The following DCC variants were observed in gnomAD, a reference collection of about 807,000 sequenced individuals.
The protein encoded by DCC is netrin receptor DCC.
A neutral mutation model predicts 172.5 loss-of-function variants in DCC; 58 were observed. That is an observed-to-expected ratio of 0.34 (90% CI 0.27 to 0.42). The LOEUF (loss-of-function observed/expected upper bound fraction) is 0.42, where lower values mean the gene tolerates loss of function less well. DCC is among the 10% of genes least tolerant of loss of function. The pLI is 1.00. For missense variants in DCC, 1,740 were observed against 1,791.0 expected, an observed-to-expected ratio of 0.97 and a Z score of 0.51; for synonymous variants, 709 against 644.5, an observed-to-expected ratio of 1.10 and a Z score of -1.52.
chr18:53,427,493 G>C (rs1380600379), intron 21 of DCC, among the ~76,000 whole-genome samples: 3 of 151,946 alleles, frequency 2.0e-5, no homozygotes, highest in Non-Finnish European at 4.4e-5. Flanking sequence ...AACATATTGG[G>C]CTTTAGCTGT....
intron 18 of DCC, among the ~76,000 whole-genome samples, chr18:53,400,167 G>A (rs1909209757): frequency 6.6e-6 from 1 of 152,028 alleles, no homozygotes; most frequent in Non-Finnish European, 1.5e-5. Context: ...AGCAAACAAA[G>A]TACAGATTCT....
chr18:52,574,034 CTG>C (rs2033357855), intron 1 of DCC, among the ~76,000 whole-genome samples: 1 of 152,172 alleles, frequency 6.6e-6, no homozygotes, highest in Non-Finnish European at 1.5e-5. Flanking sequence ...CAACACACAT[CTG>C]TATAATTGCC....
intron 27 of DCC, among the ~76,000 whole-genome samples, chr18:53,508,162 G>C (rs2046206032): frequency 6.6e-6 from 1 of 151,762 alleles, no homozygotes; most frequent in Non-Finnish European, 1.5e-5. Context: ...CAAAGTGCTG[G>C]GATTATAGGC....
At chr18:52,341,193 G>C (rs1188049469) in intron 1 of DCC, among the ~76,000 whole-genome samples, 3 of 152,158 alleles carry the variant, frequency 2.0e-5, no homozygotes, top group Non-Finnish European at 2.9e-5. Flanking sequence ...GGATATCGTT[G>C]AAAGGAACTG....
At chr18:52,735,058 A>G (rs969234590) in intron 1 of DCC, among the ~76,000 whole-genome samples, 2 of 152,166 alleles carry the variant, frequency 1.3e-5, no homozygotes, top group Non-Finnish European at 1.5e-5. Context: ...GAGAAAATAA[A>G]GGTTTTCTAA....
chr18:52,457,785 T>A (rs1366848952), intron 1 of DCC, among the ~76,000 whole-genome samples: 3 of 152,166 alleles, frequency 2.0e-5, no homozygotes, highest in Non-Finnish European at 4.4e-5. Context: ...GAGGTAAATA[T>A]GATCATATGC....
chr18:52,463,175 C>CAA (rs1471722337), intron 1 of DCC, among the ~76,000 whole-genome samples: 1 of 152,132 alleles, frequency 6.6e-6, no homozygotes, highest in Admixed American at 6.5e-5. Flanking sequence ...AACCCAGGAA[C>CAA]AAAAGTAGCA....
Position 53,397,512 on chromosome 18 carries a change from A to G in DCC, c.2827+66A>G, listed in dbSNP as rs1275464960. 3.8e-6 allele frequency: 6 copies of G among 1,562,308 alleles called. No individual in the cohort carries two copies. In the African/African-American group the frequency reaches 6.8e-5, roughly 18 times the overall value. On this transcript the variant is annotated intron_variant, in intron 18 of 28. Transcript: ENST00000442544. ...GTTTCCCAGGTTCTGTGGAAATTAGAACATGTGTTCCCTATGGTGTCTCAA... is the reference window on the plus strand; with the variant it reads ...GTTTCCCAGGTTCTGTGGAAATTAGGACATGTGTTCCCTATGGTGTCTCAA...
chr18:52,986,607 C>T (rs1334347598), intron 5 of DCC, among the ~76,000 whole-genome samples: 1 of 151,868 alleles, frequency 6.6e-6, no homozygotes, highest in Non-Finnish European at 1.5e-5. Flanking sequence ...TCAACCCAGT[C>T]TTTTTTCAGA....
rs540353639 is a variant in DCC at position 52,846,044 on chromosome 18, G to A, written c.413-60000G>A. ...TCTTCCAGTTTTTTGTTTAATAGAAGCAATGGTAAATGGCATAGTTAACAT... is the reference window on the plus strand; with the variant it reads ...TCTTCCAGTTTTTTGTTTAATAGAAACAATGGTAAATGGCATAGTTAACAT... On this transcript the variant is annotated intron_variant, in intron 2 of 28. Coordinates refer to ENST00000442544, the MANE Select transcript of DCC (RefSeq NM_005215.4). 1.5e-4 allele frequency among the ~76,000 whole-genome samples: 23 copies of A among 152,316 alleles called. No homozygotes were observed. The East Asian group carries it at 1.7e-3, about 11-fold the overall frequency.
intron 20 of DCC, 63 bp from the exon 21 acceptor site, chr18:53,416,061 T>C: frequency 8.3e-7 from 1 of 1,209,456 alleles, no homozygotes; most frequent in Admixed American, 1.7e-5. Context: ...GTTGGTTTGA[T>C]ATGTCAGCTT....
chr18:53,078,282 C>T (rs552705124), intron 7 of DCC, among the ~76,000 whole-genome samples: 2 of 152,112 alleles, frequency 1.3e-5, no homozygotes, highest in African/African-American at 2.4e-5. Context: ...CAGAGCAAGA[C>T]CCTGTCTCAT....
chr18:52,479,606 A>T (rs1319195777), intron 1 of DCC, among the ~76,000 whole-genome samples: 1 of 104,202 alleles, frequency 9.6e-6, no homozygotes, highest in East Asian at 3.3e-4. Flanking sequence ...CCTTCCTCTC[A>T]CTAAGTTCTA....
intron 1 of DCC, among the ~76,000 whole-genome samples, chr18:52,647,857 T>C (rs2035048332): frequency 6.6e-6 from 1 of 151,814 alleles, no homozygotes; most frequent in Non-Finnish European, 1.5e-5. Flanking sequence ...ATCTGGGGAG[T>C]AGAGTGTGTG....
intron 14 of DCC, among the ~76,000 whole-genome samples, chr18:53,328,030 G>A (rs968335636): frequency 6.6e-5 from 10 of 152,118 alleles, no homozygotes; most frequent in Non-Finnish European, 1.2e-4. Context: ...TACACATAAG[G>A]AGCATAGCAG....
At chr18:53,443,810 A>G (rs752869683) in intron 22 of DCC, among the ~76,000 whole-genome samples, 5 of 152,220 alleles carry the variant, frequency 3.3e-5, no homozygotes, top group Non-Finnish European at 7.3e-5. Context: ...CAATCCTTAC[A>G]GATGATTTTG....
intron 8 of DCC, among the ~76,000 whole-genome samples, chr18:53,161,569 C>T (rs1311169187): frequency 1.3e-5 from 2 of 152,146 alleles, no homozygotes; most frequent in Non-Finnish European, 2.9e-5. Flanking sequence ...AATCCATACT[C>T]ATATACACGT....
At chr18:52,726,947 A>G (rs1338117736) in intron 1 of DCC, among the ~76,000 whole-genome samples, 1 of 152,224 alleles carries the variant, frequency 6.6e-6, no homozygotes, top group Non-Finnish European at 1.5e-5. Context: ...GAAAGCTGCC[A>G]GCTTTGGAAA....
At chr18:53,116,635 C>T (rs763226576) in intron 7 of DCC, among the ~76,000 whole-genome samples, 9 of 151,620 alleles carry the variant, frequency 5.9e-5, no homozygotes, top group Non-Finnish European at 1.2e-4. Context: ...TGAAAGTACT[C>T]TTGGGTTTCA....
Sources: allele counts gnomAD v4.1 joint callset (sites outside exome capture counted in the v4.1 genomes callset), GRCh38; gene constraint gnomAD v4.1.1; transcripts MANE v1.5; gene names NCBI Gene and HGNC (gene_info 2026-07-23, HGNC 2026-07-21).